LRRC4C: variants seen among roughly 807,000 people sequenced by gnomAD.
The protein encoded by LRRC4C is leucine-rich repeat-containing protein 4C.
LRRC4C carries 5 observed loss-of-function variants against 33.6 expected under a neutral mutation model. The ratio of observed to expected loss-of-function variants is 0.15; its 90% CI spans 0.08 to 0.31. The LOEUF is 0.31. LRRC4C is among the 10% of genes least tolerant of loss of function. The pLI is 1.00. For synonymous variants in LRRC4C, 329 were observed against 302.0 expected, an observed-to-expected ratio of 1.09 and a Z score of -0.93; for missense variants, 560 against 796.7, an observed-to-expected ratio of 0.70 and a Z score of 3.58.
intron 1 of LRRC4C, among the ~76,000 whole-genome samples, chr11:41,133,271 T>G (rs1943098732): frequency 6.6e-6 from 1 of 152,076 alleles, no homozygotes; most frequent in Admixed American, 6.6e-5. Context: ...AACACTACTC[T>G]TTCAAAGTTC....
intron 1 of LRRC4C, among the ~76,000 whole-genome samples, chr11:41,115,296 G>A (rs1360129453): frequency 6.6e-6 from 1 of 151,802 alleles, no homozygotes; most frequent in Non-Finnish European, 1.5e-5. Context: ...AAGAACAAAT[G>A]ACTTGCTAAG....
intron 1 of LRRC4C, among the ~76,000 whole-genome samples, chr11:41,075,593 A>G (rs1339818815): frequency 6.6e-6 from 1 of 152,154 alleles, no homozygotes; most frequent in Non-Finnish European, 1.5e-5. Flanking sequence ...AATACACTAT[A>G]TCTCCCATCA....
At chr11:40,433,727 C>T (rs189240576) in intron 3 of LRRC4C, among the ~76,000 whole-genome samples, 276 of 152,064 alleles carry the variant, frequency 1.8e-3, no homozygotes, top group Non-Finnish European at 3.1e-3. Flanking sequence ...ATCATGTTGC[C>T]CACAGAGGAT....
In LRRC4C at chr11:40,316,115, C is replaced by CA. The variant is rs909370250; in HGVS notation, c.-176+3512dup. Among the ~76,000 whole-genome samples, 21 of 151,672 alleles carry CA rather than the reference C, an allele frequency of 1.4e-4. 1 individual carries two copies. The highest frequency in any genetic ancestry group is 3.4e-3 in the Middle Eastern group (1 of 294). On this transcript the variant is annotated intron_variant, in intron 4 of 6. Transcript: ENST00000528697. ...GGAAAAAGTCTATGCATTTTTTAAT[C>CA]AAAAAAAATCCCACAGATGTGATAA...
At chr11:41,336,546 T>C (rs1951461161) in intron 1 of LRRC4C, among the ~76,000 whole-genome samples, 1 of 152,194 alleles carries the variant, frequency 6.6e-6, no homozygotes, top group Non-Finnish European at 1.5e-5. Flanking sequence ...GTGTGGATGT[T>C]TTGCATTGTT....
intron 3 of LRRC4C, among the ~76,000 whole-genome samples, chr11:40,400,041 G>T (rs1949701349): frequency 6.6e-6 from 1 of 151,970 alleles, no homozygotes; most frequent in Admixed American, 6.6e-5. Context: ...TATAATTGTG[G>T]GAGTTGTCCA....
intron 3 of LRRC4C, among the ~76,000 whole-genome samples, chr11:40,508,530 C>T (rs907208907): frequency 1.3e-5 from 2 of 152,084 alleles, no homozygotes; most frequent in African/African-American, 4.8e-5. Flanking sequence ...AGCTCATGTA[C>T]TCACCAGGCC....
At chr11:41,156,074 G>A (rs1478621928) in intron 1 of LRRC4C, among the ~76,000 whole-genome samples, 2 of 151,992 alleles carry the variant, frequency 1.3e-5, no homozygotes, top group Non-Finnish European at 2.9e-5. Context: ...GATCTGAATC[G>A]ATTCTTTGTA....
chr11:40,421,022 GAATTAGGTAAACCTTGA>G lies in LRRC4C; in HGVS notation c.-269-101318_-269-101302del, dbSNP rs72553590. Among the ~76,000 whole-genome samples, 606 of 152,274 alleles carry G rather than the reference GAATTAGGTAAACCTTGA, an allele frequency of 4.0e-3. 4 individuals are homozygous for G. Among genetic ancestry groups the G allele is most frequent in the African/African-American group, 0.014 (580 of 41,556 alleles). ...CATTTAGTTCTCATAAGTATCCAGTGAATTAGGTAAACCTTGAAATGGAGCTCATAGCTATCTTCTCA... is the reference window on the plus strand; with the variant it reads ...CATTTAGTTCTCATAAGTATCCAGTGAATGGAGCTCATAGCTATCTTCTCA... On this transcript the variant is annotated intron_variant, in intron 3 of 6. Transcript: ENST00000528697.
At chr11:40,551,622 C>A (rs1024341928) in intron 3 of LRRC4C, among the ~76,000 whole-genome samples, 1 of 152,140 alleles carries the variant, frequency 6.6e-6, no homozygotes, top group Non-Finnish European at 1.5e-5. Context: ...CTGCCTCCAC[C>A]CCACTCCTTT....
intron 6 of LRRC4C, among the ~76,000 whole-genome samples, chr11:40,125,317 T>C (rs1856134517): frequency 6.6e-6 from 1 of 152,176 alleles, no homozygotes; most frequent in Non-Finnish European, 1.5e-5. Context: ...TGCAGCCATC[T>C]TGTGGCCAAG....
rs568860395 is a variant in LRRC4C, at chr11:41,078,240, T to G, written c.-495-144517A>C. ...AGTCTCTAGAAAGTTCTAAACTTTC[T>G]GACATTTTCTTGTCTTCTTCTAAGC... On this transcript the variant is annotated intron_variant, in intron 1 of 6. Transcript: ENST00000528697. Among the ~76,000 whole-genome samples the G allele has an allele frequency of 3.3e-5, 5 of 152,308 alleles. No individual in the cohort carries two copies. In the East Asian group the frequency reaches 9.6e-4, roughly 29 times the overall value.
At chr11:41,300,730 C>T (rs922983498) in intron 1 of LRRC4C, among the ~76,000 whole-genome samples, 4 of 152,164 alleles carry the variant, frequency 2.6e-5, no homozygotes, top group Non-Finnish European at 4.4e-5. Context: ...CAGAACTTAA[C>T]TATGTCCATT....
intron 5 of LRRC4C, among the ~76,000 whole-genome samples, chr11:40,216,874 T>C (rs1211898781): frequency 6.6e-6 from 1 of 152,168 alleles, no homozygotes; most frequent in Non-Finnish European, 1.5e-5. Context: ...GTCAATCTTT[T>C]TGAAAACACT....
At chr11:41,344,022 G>A (rs1200921221) in intron 1 of LRRC4C, among the ~76,000 whole-genome samples, 2 of 151,984 alleles carry the variant, frequency 1.3e-5, no homozygotes, top group African/African-American at 4.8e-5. Flanking sequence ...TCCATTATCT[G>A]AGCAAACAAA....
chr11:40,170,276 C>A (rs1590604814), intron 5 of LRRC4C, among the ~76,000 whole-genome samples: 1 of 152,190 alleles, frequency 6.6e-6, no homozygotes, highest in East Asian at 1.9e-4. Flanking sequence ...CTAGTGTAGT[C>A]AGAGTTGCAC....
chr11:40,442,332 C>T, intron 3 of LRRC4C, among the ~76,000 whole-genome samples: 1 of 151,860 alleles, frequency 6.6e-6, no homozygotes, highest in Non-Finnish European at 1.5e-5. Context: ...AGCTGGGAGC[C>T]CAGATGAGAA....
rs543827333 is a variant in LRRC4C, at chr11:40,301,419, G to C, written c.-176+18209C>G. Among the ~76,000 whole-genome samples, 4 of 152,274 alleles carry C rather than the reference G, an allele frequency of 2.6e-5. No individual in the cohort carries two copies. The East Asian group carries it at 7.7e-4, about 29-fold the overall frequency. On this transcript the variant is annotated intron_variant, in intron 4 of 6. Coordinates refer to ENST00000528697, the MANE Select transcript of LRRC4C (RefSeq NM_001258419.2). ...ACTGGGAAGAAAATTGCCCATAAAG[G>C]TATCTTTAAAACTTCACCAGGAATT...
At chr11:40,977,637 T>G (rs1852182045) in intron 1 of LRRC4C, among the ~76,000 whole-genome samples, 1 of 152,112 alleles carries the variant, frequency 6.6e-6, no homozygotes, top group Admixed American at 6.5e-5. Flanking sequence ...AGAAAATGAC[T>G]TTGTCCTTAT....
Sources: gnomAD v4.1 joint callset for allele counts (sites outside exome capture counted in the v4.1 genomes callset) on GRCh38, gnomAD v4.1.1 for gene constraint, MANE v1.5 for transcripts, NCBI Gene and HGNC (gene_info 2026-07-23, HGNC 2026-07-21) for gene names.